The following OR14A16 variants were observed in gnomAD, a reference collection of about 807,000 sequenced individuals.
OR14A16 encodes olfactory receptor 14A16.
For synonymous variants in OR14A16, 135 were observed against 137.6 expected (o/e 0.98, Z 0.13); for missense variants, 341 against 366.5 (o/e 0.93, Z 0.57).
Position 247,815,517 on chromosome 1 carries a change from A to T in OR14A16, c.213T>A (p.Leu71=). 6.2e-7 allele frequency: 1 copy of T among 1,614,018 alleles called. No individual in the cohort carries two copies. Among genetic ancestry groups the T allele is most frequent in the Non-Finnish European group, 8.5e-7 (1 of 1,179,880 alleles). ...LKNLSFLDLC[L]ISVTAPKSIA... is the part of the protein sequence containing the mutation. ...TAGATTTGGGAGCCGTGACTGAAATAAGGCAGAGATCCAAGAAAGATAGAT... is the reference window on the plus strand; with the variant it reads ...TAGATTTGGGAGCCGTGACTGAAATTAGGCAGAGATCCAAGAAAGATAGAT... Residue 71 remains leucine, a synonymous_variant, in exon 3 of 3, where the codon CTT becomes CTA. Coordinates refer to ENST00000641093, the MANE Select transcript of OR14A16 (RefSeq NM_001001966.2).
In OR14A16 at chr1:247,815,359, A is replaced by G. The variant is rs2103280936; in HGVS notation, c.371T>C (p.Ile124Thr). 1.2e-6 allele frequency: 2 copies of G among 1,614,050 alleles called. No homozygotes were observed. The highest frequency in any genetic ancestry group is 1.3e-5 in the African/African-American group (1 of 75,054). The change falls in exon 3 of 3, where the codon ATA (isoleucine) becomes ACA (threonine). Residue 124 changes from isoleucine to threonine, a missense_variant. Coordinates refer to ENST00000641093, the MANE Select transcript of OR14A16 (RefSeq NM_001001966.2). ...TVMSFDRYTA[I>T]CHPLHYDVIM... ...GACATCATAGTGCAGAGGGTGACAT[A>G]TAGCAGTATAGCGGTCAAAGGACAT... is the stretch of plus-strand genomic sequence containing the variant.
intron 2 of OR14A16, among the ~76,000 whole-genome samples, chr1:247,818,482 T>C (rs1404515822): frequency 6.6e-6 from 1 of 152,192 alleles, no homozygotes; most frequent in Non-Finnish European, 1.5e-5. Context: ...GAGTAGATTT[T>C]AAAAATGTTG....
At chr1:247,819,957 C>T (rs894048425) in intron 1 of OR14A16, among the ~76,000 whole-genome samples, 1 of 152,188 alleles carries the variant, frequency 6.6e-6, no homozygotes, top group African/African-American at 2.4e-5. Flanking sequence ...GTATTAAATG[C>T]CTTTTCAGAA....
chr1:247,819,677 C>T (rs1377430856), intron 1 of OR14A16, among the ~76,000 whole-genome samples: 1 of 44,592 alleles, frequency 2.2e-5, no homozygotes, highest in East Asian at 0.01. Context: ...ACATAATTGC[C>T]TTTTGTGTGT....
intron 2 of OR14A16, among the ~76,000 whole-genome samples, chr1:247,816,072 C>G (rs1250219226): frequency 6.6e-6 from 1 of 152,088 alleles, no homozygotes; most frequent in African/African-American, 2.4e-5. Context: ...ACAAAGTTTT[C>G]CTGCCCATCT....
intron 2 of OR14A16, among the ~76,000 whole-genome samples, chr1:247,816,200 T>C (rs972399531): frequency 3.3e-5 from 5 of 152,206 alleles, no homozygotes; most frequent in African/African-American, 9.6e-5. Flanking sequence ...TCCAAGAATT[T>C]GAACAATTAA....
chr1:247,818,195 T>C (rs1662663075), intron 2 of OR14A16, among the ~76,000 whole-genome samples: 1 of 152,108 alleles, frequency 6.6e-6, no homozygotes, highest in African/African-American at 2.4e-5. Context: ...GATATAATGA[T>C]CTTACCCCAA....
chr1:247,815,102 T>C lies in OR14A16; in HGVS notation c.628A>G (p.Ile210Val). 6.2e-7 allele frequency: 1 copy of C among 1,613,820 alleles called. No homozygotes were observed. The highest frequency in any genetic ancestry group is 1.1e-5 in the South Asian group (1 of 91,074). Residue 210 changes from isoleucine to valine, a missense_variant, in exon 3 of 3, where the codon ATT becomes GTT. Physicochemically the swap from Ile to Val is conservative, Grantham distance 29. Coordinates refer to ENST00000641093, the MANE Select transcript of OR14A16 (RefSeq NM_001001966.2). Reference sequence around the variant, plus strand: ...TGGACATAGGTAATGATGATGACAATAAAACAGCAGAAATCCAAAACTACA... The same window carrying C: ...TGGACATAGGTAATGATGATGACAACAAAACAGCAGAAATCCAAAACTACA... Reference protein sequence around the residue: ...INVVLDFCCFIVIIITYVHVF... With the variant: ...INVVLDFCCFVVIIITYVHVF...
intron 2 of OR14A16, among the ~76,000 whole-genome samples, chr1:247,816,737 C>CAAAT (rs1662629108): frequency 6.6e-6 from 1 of 152,150 alleles, no homozygotes; most frequent in Admixed American, 6.5e-5. Context: ...TCAAAACAAA[C>CAAAT]AAATAAATAA....
chr1:247,817,429 G>T (rs1380190194), intron 2 of OR14A16, among the ~76,000 whole-genome samples: 1 of 152,146 alleles, frequency 6.6e-6, no homozygotes, highest in East Asian at 1.9e-4. Flanking sequence ...TTTTAATGAT[G>T]TTCGATTTGA....
At chr1:247,817,512 T>C (rs902752824) in intron 2 of OR14A16, among the ~76,000 whole-genome samples, 2 of 152,178 alleles carry the variant, frequency 1.3e-5, no homozygotes, top group African/African-American at 4.8e-5. Context: ...CCCCGAGTGG[T>C]TGAGTAAAAA....
chr1:247,815,247 G>C lies in OR14A16; in HGVS notation c.483C>G (p.Thr161=), dbSNP rs1558334075. 1 of 1,613,550 alleles carries C rather than the reference G, an allele frequency of 6.2e-7. No individual in the cohort carries two copies. The highest frequency in any genetic ancestry group is 8.5e-7 in the Non-Finnish European group (1 of 1,179,426). ...TGGACCCACAGTAGGATAAGGAGAA[G>C]GTGCCAGCTGTGTGCATCACAGCAA... ...GLIAVMHTAG[T]FSLSYCGSNM... Residue 161 remains threonine, a synonymous_variant, in exon 3 of 3, where the codon ACC becomes ACG. Transcript: ENST00000641093.
chr1:247,817,374 C>A (rs4382761), intron 2 of OR14A16, among the ~76,000 whole-genome samples: 110,509 of 152,072 alleles, frequency 0.73, 44,878 homozygotes, highest in East Asian at 0.99. Flanking sequence ...AGGATTTATT[C>A]CAGAAAAAGA....
chr1:247,816,061 A>T (rs1662616645), intron 2 of OR14A16, among the ~76,000 whole-genome samples: 1 of 152,184 alleles, frequency 6.6e-6, no homozygotes, highest in Non-Finnish European at 1.5e-5. Context: ...AAAACTTAAA[A>T]ACAAAGTTTT....
intron 2 of OR14A16, among the ~76,000 whole-genome samples, chr1:247,818,222 C>T (rs1050073324): frequency 6.6e-6 from 1 of 151,872 alleles, no homozygotes; most frequent in Non-Finnish European, 1.5e-5. Flanking sequence ...TGGATTTTAT[C>T]CAAAAGACAG....
chr1:247,822,653 C>A (rs1257776996), intron 1 of OR14A16, among the ~76,000 whole-genome samples: 1 of 152,164 alleles, frequency 6.6e-6, no homozygotes, highest in Non-Finnish European at 1.5e-5. Flanking sequence ...CTGAATAAAT[C>A]CCCTCTCATA....
chr1:247,821,198 A>G (rs916594319), intron 1 of OR14A16, among the ~76,000 whole-genome samples: 1 of 152,198 alleles, frequency 6.6e-6, no homozygotes, highest in Non-Finnish European at 1.5e-5. Context: ...TATGCTGAAT[A>G]ATGTTTTATG....
intron 2 of OR14A16, among the ~76,000 whole-genome samples, chr1:247,816,583 C>G (rs1423936821): frequency 6.6e-6 from 1 of 152,044 alleles, no homozygotes; most frequent in Non-Finnish European, 1.5e-5. Context: ...AAAAAATTAG[C>G]TGGGTGTGGT....
At chr1:247,821,204 T>C (rs1432733685) in intron 1 of OR14A16, among the ~76,000 whole-genome samples, 1 of 152,232 alleles carries the variant, frequency 6.6e-6, no homozygotes, top group Non-Finnish European at 1.5e-5. Flanking sequence ...GAATAATGTT[T>C]TATGTGCACT....
Sources: allele counts gnomAD v4.1 joint callset (sites outside exome capture counted in the v4.1 genomes callset), GRCh38; gene constraint gnomAD v4.1.1; transcripts MANE v1.5; gene names NCBI Gene and HGNC (gene_info 2026-07-23, HGNC 2026-07-21).